POU2F2: variants seen among roughly 807,000 people sequenced by gnomAD.
POU2F2 encodes POU domain, class 2, transcription factor 2.
POU2F2 carries 14 observed loss-of-function variants against 63.5 expected under a neutral mutation model. That is an observed-to-expected ratio of 0.22 (90% CI 0.15 to 0.34). POU2F2 has a LOEUF of 0.34. Among genes scored for constraint, POU2F2 ranks in the 10% least tolerant of loss-of-function variants. POU2F2 has a pLI of 1.00. For missense variants in POU2F2, 607 were observed against 815.2 expected (o/e 0.74, Z 3.11); for synonymous variants, 306 against 348.6 (o/e 0.88, Z 1.36).
chr19:42,110,673 C>A, intron 5 of POU2F2: 1 of 453,956 alleles, frequency 2.2e-6, no homozygotes. Flanking sequence ...TCCTGACTGC[C>A]CCTCACACAC....
rs547490098 is a variant in POU2F2, at chr19:42,089,710, T to TTATATATATA, written c.*1537_*1546dup. ...GAAGAGTCCTCATCTTCTTTCCCTT[T>TTATATATATA]TATATATATATATATATATATGTTT... On this transcript the variant is annotated 3_prime_UTR_variant, in exon 15 of 15. Coordinates refer to ENST00000692977, the MANE Select transcript of POU2F2 (RefSeq NM_001394376.1). 1.4e-5 allele frequency: 2 copies of TTATATATATA among 143,712 alleles called. No homozygotes were observed. Among genetic ancestry groups the TTATATATATA allele is most frequent in the African/African-American group, 5.1e-5 (2 of 39,464 alleles). 8.9% of individuals were successfully genotyped at this position (143,712 alleles called of 1,614,324 possible). A position where few individuals can be genotyped will look rare whatever the true frequency, so the allele number is the denominator to read the frequency against.
chr19:42,157,691 T>C (rs145926646), intron 2 of POU2F2, among the ~76,000 whole-genome samples: 5 of 152,192 alleles, frequency 3.3e-5, no homozygotes, highest in Non-Finnish European at 7.4e-5. Context: ...TCAGATACGG[T>C]GATAGTGCTC....
intron 4 of POU2F2, among the ~76,000 whole-genome samples, chr19:42,119,694 GT>G (rs2032357939): frequency 6.6e-6 from 1 of 152,012 alleles, no homozygotes; most frequent in South Asian, 2.1e-4. Flanking sequence ...AACCCAGGAG[GT>G]GGAGGTTGCA....
chr19:42,150,918 C>T (rs1209923786), intron 2 of POU2F2, among the ~76,000 whole-genome samples: 1 of 152,198 alleles, frequency 6.6e-6, no homozygotes, highest in East Asian at 1.9e-4. Flanking sequence ...TCCAACCAGG[C>T]TCCTCCTAGA....
rs181257292 is a variant in POU2F2, at chr19:42,087,496, A to G, written c.*3761T>C. 6.6e-6 allele frequency: 1 copy of G among 150,446 alleles called. No homozygotes were observed. The highest frequency in any genetic ancestry group is 2.5e-5 in the African/African-American group (1 of 40,688). 9.3% of individuals were successfully genotyped at this position (150,446 alleles called of 1,614,324 possible). The stretch of plus-strand genomic sequence containing the variant: ...CCTCCTGATCTCAGCCCCAACTCCT[A>G]CTGGGGCTTGGGTTCCCCATCCCTA... On this transcript the variant is annotated 3_prime_UTR_variant, in exon 15 of 15. Transcript: ENST00000692977.
chr19:42,126,442 CAA>C (rs112862678), intron 1 of POU2F2, among the ~76,000 whole-genome samples: 18 of 99,656 alleles, frequency 1.8e-4, no homozygotes, highest in Non-Finnish European at 1.5e-4. Context: ...GACTCCATCT[CAA>C]AAAAAAAAAA....
chr19:42,150,713 T>TA (rs1248347787), intron 2 of POU2F2, among the ~76,000 whole-genome samples: 1 of 151,894 alleles, frequency 6.6e-6, no homozygotes, highest in African/African-American at 2.4e-5. Context: ...TATTTTTTCT[T>TA]ATATATTTTT....
In POU2F2 at chr19:42,195,249, G is replaced by A. The variant is rs540344566; in HGVS notation, c.-70+1134C>T. Among the ~76,000 whole-genome samples, 12 of 151,246 alleles carry A rather than the reference G, an allele frequency of 7.9e-5. No individual in the cohort carries two copies. The East Asian group carries it at 2.2e-3, about 27-fold the overall frequency. On this transcript the variant is annotated intron_variant, in intron 1 of 5. Transcript: ENST00000532176. ...ATCCCCCAGCGTCCCTGCTGTTAAC[G>A]TTATTTCTTGGCAAGAGTAACACAG... is the stretch of plus-strand genomic sequence containing the variant.
Position 42,090,887 on chromosome 19 carries a change from T to G in POU2F2, c.*370A>C, listed in dbSNP as rs1599907138. ...GAGGCTTCTCCGCCCCTGGCTGGGG[T>G]TTTTATTTGGCGTCGTAGCAGTGAG... On this transcript the variant is annotated 3_prime_UTR_variant, in exon 15 of 15. Transcript: ENST00000692977. The surrounding 1 kb of genome is among the most constrained non-coding windows in gnomAD (Gnocchi z 4.4). 2 of 165,246 alleles carry G rather than the reference T, an allele frequency of 1.2e-5. No homozygotes were observed. The highest frequency in any genetic ancestry group is 1.3e-5 in the Non-Finnish European group (1 of 76,912). 10.2% of individuals were successfully genotyped at this position (165,246 alleles called of 1,614,324 possible). A position where few individuals can be genotyped will look rare whatever the true frequency, so the allele number is the denominator to read the frequency against.
chr19:42,132,695 C>T, upstream of POU2F2: 2 of 385,696 alleles, frequency 5.2e-6, no homozygotes, highest in Non-Finnish European at 9.2e-6. Flanking sequence ...ACAGTTGCCC[C>T]CCGACTTCTG....
rs1022113176 is a variant in POU2F2 at position 42,153,745 on chromosome 19, G to C, written c.-9+6587C>G. Among the ~76,000 whole-genome samples, 5 of 152,100 alleles carry C rather than the reference G, an allele frequency of 3.3e-5. No homozygotes were observed. The highest frequency in any genetic ancestry group is 1.2e-4 in the African/African-American group (5 of 41,412). On this transcript the variant is annotated intron_variant, in intron 2 of 6. Coordinates refer to the POU2F2 transcript ENST00000524801. The surrounding 1 kb of genome is among the most constrained non-coding windows in gnomAD (Gnocchi z 5.6). ...GGCTGGAGGCTCTGGGTGTGTCCCT[G>C]TGTGTGTCATGGTGACTTGGTGTAG...
chr19:42,112,666 G>A (rs570517824), intron 5 of POU2F2, among the ~76,000 whole-genome samples: 5 of 151,982 alleles, frequency 3.3e-5, no homozygotes, highest in South Asian at 4.2e-4. Context: ...CACCCTGCCC[G>A]GCCCAGGGGA....
chr19:42,158,999 C>T (rs1286742176), intron 2 of POU2F2, among the ~76,000 whole-genome samples: 1 of 152,140 alleles, frequency 6.6e-6, no homozygotes, highest in Non-Finnish European at 1.5e-5. Context: ...CATGAATGAG[C>T]TTCAGGGGGT....
At chr19:42,122,000 C>T (rs1043208941) in intron 4 of POU2F2, 126 bp downstream of exon 4, 52 of 995,394 alleles carry the variant, frequency 5.2e-5, no homozygotes, top group African/African-American at 2.9e-4. Context: ...TGAGAAGGGG[C>T]GGGAGGAACC....
Position 42,092,347 on chromosome 19 carries a change from C to T in POU2F2, c.1265-77G>A. The stretch of plus-strand genomic sequence containing the variant: ...CTGAGGAACCTGGGGTCAGCTCCTA[C>T]TTGTCCTCCCGCCCAGCTCACGCAG... On this transcript the variant is annotated intron_variant, in intron 12 of 14. Transcript: ENST00000692977. The surrounding 1 kb of genome is among the most constrained non-coding windows in gnomAD (Gnocchi z 5.0). 8.9e-7 allele frequency: 1 copy of T among 1,120,946 alleles called. No homozygotes were observed. Among genetic ancestry groups the T allele is most frequent in the South Asian group, 1.3e-5 (1 of 75,222 alleles). 69.4% of individuals were successfully genotyped at this position (1,120,946 alleles called of 1,614,324 possible).
chr19:42,159,573 C>T (rs534780098), intron 2 of POU2F2, among the ~76,000 whole-genome samples: 25 of 152,268 alleles, frequency 1.6e-4, no homozygotes, highest in African/African-American at 5.3e-4. Flanking sequence ...ATTGCCAGGG[C>T]CTCACCAAGC....
upstream of POU2F2, among the ~76,000 whole-genome samples, chr19:42,177,698 A>G (rs2034912335): frequency 6.6e-6 from 1 of 151,422 alleles, no homozygotes; most frequent in South Asian, 2.1e-4. Flanking sequence ...ACACGGACAC[A>G]CAGTAAGAGA....
intron 1 of POU2F2, among the ~76,000 whole-genome samples, chr19:42,194,094 A>C (rs1411666659): frequency 6.6e-6 from 1 of 152,192 alleles, no homozygotes; most frequent in Non-Finnish European, 1.5e-5. Flanking sequence ...GAAAAACTAG[A>C]AAATTGAAGA....
At chr19:42,126,226 C>T (rs2033187109) in intron 1 of POU2F2, among the ~76,000 whole-genome samples, 1 of 152,050 alleles carries the variant, frequency 6.6e-6, no homozygotes. Flanking sequence ...GGGCAGATCA[C>T]CAGTTCAGGA....
Sources: allele counts gnomAD v4.1 joint callset (sites outside exome capture counted in the v4.1 genomes callset), GRCh38; gene constraint gnomAD v4.1.1; non-coding constraint Gnocchi (gnomAD v3.1); transcripts MANE v1.5; gene names NCBI Gene and HGNC (gene_info 2026-07-23, HGNC 2026-07-21).